The following SDC2 variants were observed in gnomAD, a reference collection of about 807,000 sequenced individuals.
The protein encoded by SDC2 is syndecan-2.
In SDC2, 13 loss-of-function variants were observed where a neutral mutation model predicts 22.2. The observed-to-expected ratio is 0.59, with a 90% CI of 0.38 to 0.93. The LOEUF (loss-of-function observed/expected upper bound fraction) is 0.93, where lower values mean the gene tolerates loss of function less well. SDC2 is among the 40% of genes least tolerant of loss of function. The pLI, the probability that SDC2 is intolerant of heterozygous loss-of-function variation, is 0.00. For missense variants in SDC2, 235 were observed against 246.8 expected (o/e 0.95, Z 0.32); for synonymous variants, 94 against 92.8 (o/e 1.01, Z -0.07).
At position 96,509,617 on chromosome 8, in the gene SDC2, C is replaced by T. The variant is rs1426289827; in HGVS notation, c.60+15286C>T. 1.0e-4 allele frequency among the ~76,000 whole-genome samples: 10 copies of T among 97,682 alleles called. 3 individuals are homozygous for T. The South Asian group carries it at 2.1e-3, about 20-fold the overall frequency. The allele number at this position is 97,682 out of a possible 152,430, so 64.1% of individuals were successfully genotyped here. A position where few individuals can be genotyped will look rare whatever the true frequency, so the allele number is the denominator to read the frequency against. On this transcript the variant is annotated intron_variant, in intron 1 of 4. Transcript: ENST00000302190. ...AACTATTCATGCCTTGGCCCCACTC[C>T]AGACAATTAAATCAAAATCTATGTG...
At chr8:96,510,118 G>A (rs1329905763) in intron 1 of SDC2, among the ~76,000 whole-genome samples, 1 of 152,188 alleles carries the variant, frequency 6.6e-6, no homozygotes, top group Non-Finnish European at 1.5e-5. Flanking sequence ...AGAAAAGCAT[G>A]TTTGGCCAGC....
chr8:96,507,584 G>A (rs961860920), intron 1 of SDC2, among the ~76,000 whole-genome samples: 3 of 152,196 alleles, frequency 2.0e-5, no homozygotes, highest in Non-Finnish European at 4.4e-5. Context: ...TAAGTCTTAG[G>A]AAGATTGTGG....
chr8:96,498,854 C>CT (rs1813116578), intron 1 of SDC2, among the ~76,000 whole-genome samples: 3 of 152,198 alleles, frequency 2.0e-5, no homozygotes, highest in Admixed American at 6.5e-5. Flanking sequence ...AGCTTTCCCT[C>CT]TTTTTTTCTT....
chr8:96,582,498 T>C (rs1814605585), intron 1 of SDC2, among the ~76,000 whole-genome samples: 1 of 152,240 alleles, frequency 6.6e-6, no homozygotes, highest in South Asian at 2.1e-4. Flanking sequence ...GATTTTTAAA[T>C]TTTTAAGAGA....
chr8:96,541,366 A>G (rs746869870), intron 1 of SDC2, among the ~76,000 whole-genome samples: 1 of 151,786 alleles, frequency 6.6e-6, no homozygotes, highest in Non-Finnish European at 1.5e-5. Flanking sequence ...AATTAGCTGG[A>G]CATGGCGGTG....
At chr8:96,597,084 A>G (rs1814890600) in intron 2 of SDC2, among the ~76,000 whole-genome samples, 1 of 152,206 alleles carries the variant, frequency 6.6e-6, no homozygotes, top group South Asian at 2.1e-4. Flanking sequence ...CTGGAGATTT[A>G]TTATCTGGAG....
chr8:96,524,505 A>G (rs1367050615), intron 1 of SDC2, among the ~76,000 whole-genome samples: 1 of 152,144 alleles, frequency 6.6e-6, no homozygotes, highest in Non-Finnish European at 1.5e-5. Context: ...TATATATTCC[A>G]GTTTAGGGTA....
chr8:96,519,968 A>G (rs1813471051), intron 1 of SDC2, among the ~76,000 whole-genome samples: 1 of 152,164 alleles, frequency 6.6e-6, no homozygotes, highest in African/African-American at 2.4e-5. Context: ...CAACAAGTTG[A>G]TAGCTTCTCA....
intron 1 of SDC2, among the ~76,000 whole-genome samples, chr8:96,530,660 C>A (rs992630741): frequency 6.6e-5 from 10 of 152,094 alleles, no homozygotes; most frequent in African/African-American, 2.2e-4. Context: ...AACAAAAAAA[C>A]CTGCTAAAAT....
At chr8:96,508,066 G>T (rs1813269015) in intron 1 of SDC2, among the ~76,000 whole-genome samples, 1 of 152,228 alleles carries the variant, frequency 6.6e-6, no homozygotes, top group Admixed American at 6.5e-5. Flanking sequence ...GGAGGCCGAG[G>T]CGGGTGGATC....
intron 1 of SDC2, among the ~76,000 whole-genome samples, chr8:96,550,296 T>C (rs1814006632): frequency 6.6e-6 from 1 of 152,188 alleles, no homozygotes; most frequent in East Asian, 1.9e-4. Context: ...AAAGAAATGC[T>C]CACGGGAGCA....
intron 1 of SDC2, among the ~76,000 whole-genome samples, chr8:96,586,789 G>C (rs1814694480): frequency 6.6e-6 from 1 of 152,200 alleles, no homozygotes; most frequent in Admixed American, 6.5e-5. Context: ...ATACGCATGA[G>C]TAAATCATTT....
Position 96,494,330 on chromosome 8 carries a change from C to A in SDC2, c.59C>A (p.Ser20Ter). ...TTGGTGGCCTGCGTGTCGGCGGAGT[C>A]GGTGAGTGGGCCAGGCGGAGGATGC... is the stretch of plus-strand genomic sequence containing the variant. ...LGLVACVSAE[S>*]RAELTSDKDM... The change falls in exon 1 of 5, where the codon TCG (serine) becomes TAG (stop). Residue 20 changes from serine (S) to a stop codon, truncating the protein, a stop_gained and splice_region_variant. Transcript: ENST00000302190. LOFTEE classifies it high-confidence loss of function. The A allele has an allele frequency of 6.5e-7, 1 of 1,542,002 alleles. No homozygotes were observed. The highest frequency in any genetic ancestry group is 8.7e-7 in the Non-Finnish European group (1 of 1,148,290).
In SDC2 at chr8:96,611,397, C is replaced by T. The variant is rs530506352; in HGVS notation, c.*1849C>T. Reference sequence around the variant, plus strand: ...ATGAATATTTCATTTTGAGAACATTCCCTGGAATTGCCACATAATTCATTA... The same window carrying T: ...ATGAATATTTCATTTTGAGAACATTTCCTGGAATTGCCACATAATTCATTA... On this transcript the variant is annotated 3_prime_UTR_variant, in exon 5 of 5. Coordinates refer to ENST00000302190, the MANE Select transcript of SDC2 (RefSeq NM_002998.4). 3 of 152,716 alleles carry T rather than the reference C, an allele frequency of 2.0e-5. No homozygotes were observed. In the South Asian group the frequency reaches 6.2e-4, roughly 32 times the overall value. The allele number at this position is 152,716 out of a possible 1,614,324, so 9.5% of individuals were successfully genotyped here.
intron 1 of SDC2, among the ~76,000 whole-genome samples, chr8:96,528,173 C>T (rs917798698): frequency 2.0e-5 from 3 of 151,776 alleles, no homozygotes; most frequent in Non-Finnish European, 2.9e-5. Context: ...GGTGACACAC[C>T]AAAATATCTT....
At chr8:96,537,849 C>T (rs575896599) in intron 1 of SDC2, among the ~76,000 whole-genome samples, 2 of 152,340 alleles carry the variant, frequency 1.3e-5, no homozygotes, top group South Asian at 4.1e-4. Context: ...TGACTCCTGA[C>T]TTCAGGCCTA....
At chr8:96,499,143 C>T (rs1813121381) in intron 1 of SDC2, among the ~76,000 whole-genome samples, 1 of 152,214 alleles carries the variant, frequency 6.6e-6, no homozygotes, top group African/African-American at 2.4e-5. Flanking sequence ...CATGAACACT[C>T]CCTGGACATT....
intron 1 of SDC2, among the ~76,000 whole-genome samples, chr8:96,494,642 C>G (rs1161359795): frequency 6.6e-6 from 1 of 152,006 alleles, no homozygotes; most frequent in East Asian, 2.0e-4. Flanking sequence ...GCTGCGTGGT[C>G]TGGGAAGGAC....
chr8:96,596,376 G>GA (rs1462253938), intron 2 of SDC2, among the ~76,000 whole-genome samples: 1 of 152,190 alleles, frequency 6.6e-6, no homozygotes, highest in Admixed American at 6.5e-5. Flanking sequence ...AAATGGATTG[G>GA]AAAAAATGGC....
Sources: allele counts gnomAD v4.1 joint callset (sites outside exome capture counted in the v4.1 genomes callset), GRCh38; gene constraint gnomAD v4.1.1; transcripts MANE v1.5; gene names NCBI Gene and HGNC (gene_info 2026-07-23, HGNC 2026-07-21).